Variants in CDH13 observed in about 807,000 individuals in gnomAD.
The protein encoded by CDH13 is cadherin-13.
A neutral mutation model predicts 63.8 loss-of-function variants in CDH13; 24 were observed. That is an observed-to-expected ratio of 0.38 (90% CI 0.27 to 0.53). CDH13 has a LOEUF of 0.53. CDH13 is among the 20% of genes least tolerant of loss of function. The pLI is 0.85. For missense variants in CDH13, 1,049 were observed against 903.1 expected, an observed-to-expected ratio of 1.16 and a Z score of -2.07; for synonymous variants, 503 against 355.3, an observed-to-expected ratio of 1.42 and a Z score of -4.67.
intron 6 of CDH13, among the ~76,000 whole-genome samples, chr16:83,431,251 T>A (rs2072095780): frequency 6.6e-6 from 1 of 151,892 alleles, no homozygotes; most frequent in Non-Finnish European, 1.5e-5. Flanking sequence ...GAGTCTTTGC[T>A]ATTGTGAATA....
rs571772203 is a variant in CDH13, at chr16:83,458,972, C to T, written c.782-27505C>T. 1.1e-3 allele frequency among the ~76,000 whole-genome samples: 171 copies of T among 152,306 alleles called. 1 individual carries two copies. Among genetic ancestry groups the T allele is most frequent in the African/African-American group, 3.8e-3 (158 of 41,556 alleles). On this transcript the variant is annotated intron_variant, in intron 6 of 13. Transcript: ENST00000567109. ...CAGTGTCTATTTACAGATGATGAAACGACAATTTTTCATGGGGTTTTTCTT... is the reference window on the plus strand; with the variant it reads ...CAGTGTCTATTTACAGATGATGAAATGACAATTTTTCATGGGGTTTTTCTT...
intron 1 of CDH13, among the ~76,000 whole-genome samples, chr16:82,739,635 C>T (rs1047439480): frequency 2.0e-5 from 3 of 152,110 alleles, no homozygotes; most frequent in African/African-American, 7.2e-5. Flanking sequence ...GGGAATTTGC[C>T]TTTAATTATT....
chr16:83,427,616 T>G (rs914444415), intron 6 of CDH13, among the ~76,000 whole-genome samples: 1 of 152,164 alleles, frequency 6.6e-6, no homozygotes, highest in Non-Finnish European at 1.5e-5. Context: ...GAGACTCATA[T>G]AAAATACCAG....
intron 1 of CDH13, among the ~76,000 whole-genome samples, chr16:82,769,909 T>G (rs2035197917): frequency 1.3e-5 from 2 of 152,216 alleles, no homozygotes; most frequent in African/African-American, 2.4e-5. Flanking sequence ...AATGGTGAGA[T>G]TAACGAGCCC....
intron 3 of CDH13, among the ~76,000 whole-genome samples, chr16:83,086,540 C>G (rs749535529): frequency 3.9e-5 from 6 of 152,176 alleles, no homozygotes; most frequent in Non-Finnish European, 8.8e-5. Flanking sequence ...CTTTGTTAGT[C>G]CAAATTGGAT....
At chr16:83,210,975 C>G (rs562508774) in intron 4 of CDH13, among the ~76,000 whole-genome samples, 4 of 151,694 alleles carry the variant, frequency 2.6e-5, no homozygotes, top group African/African-American at 9.7e-5. Flanking sequence ...CAGTGAAACC[C>G]TGTCTCTACT....
rs565167819 is a variant in CDH13, at chr16:83,696,098, C to A, written c.1538+17637C>A. ...TAGAGATGGGGTTTCGCCATGTTGC[C>A]CAGGTGGTTCTCAAACTCCTGGGCT... On this transcript the variant is annotated intron_variant, in intron 10 of 13. Coordinates refer to ENST00000567109, the MANE Select transcript of CDH13 (RefSeq NM_001257.5). 5.9e-4 allele frequency among the ~76,000 whole-genome samples: 89 copies of A among 151,960 alleles called. No homozygotes were observed. In the South Asian group the frequency reaches 6.5e-3, roughly 11 times the overall value.
At chr16:83,675,191 C>T (rs954602972) in intron 9 of CDH13, among the ~76,000 whole-genome samples, 1 of 152,192 alleles carries the variant, frequency 6.6e-6, no homozygotes, top group African/African-American at 2.4e-5. Context: ...AGATTGTGTG[C>T]TTTGTGAGAT....
chr16:82,989,493 G>C (rs942584567), intron 2 of CDH13, among the ~76,000 whole-genome samples: 14 of 152,168 alleles, frequency 9.2e-5, no homozygotes, highest in African/African-American at 3.4e-4. Flanking sequence ...GCAGTGGCAA[G>C]GGTGACCAGC....
Position 83,522,282 on chromosome 16 carries a change from G to T in CDH13, c.960+35627G>T, listed in dbSNP as rs1188719465. Among the ~76,000 whole-genome samples, 4 of 152,300 alleles carry T rather than the reference G, an allele frequency of 2.6e-5. No homozygotes were observed. The East Asian group carries it at 7.7e-4, about 29-fold the overall frequency. ...TTATAATGGATCACGTCAAAATGTA[G>T]CCTGCCATTGTTTTAAAGTCATGTA... On this transcript the variant is annotated intron_variant, in intron 7 of 13. Transcript: ENST00000567109.
intron 2 of CDH13, 66 bp from the exon 3 acceptor site, chr16:83,031,944 G>C (rs1230863215): frequency 3.2e-6 from 4 of 1,252,748 alleles, no homozygotes; most frequent in African/African-American, 3.0e-5. Flanking sequence ...TAATAGGTCA[G>C]AGATATCTCA....
intron 1 of CDH13, among the ~76,000 whole-genome samples, chr16:82,842,813 A>C (rs572416911): frequency 1.3e-5 from 2 of 152,274 alleles, no homozygotes; most frequent in South Asian, 4.2e-4. Context: ...AGTCTCATCT[A>C]GGGTGATGGG....
At chr16:83,050,552 C>T (rs1456923754) in intron 3 of CDH13, among the ~76,000 whole-genome samples, 1 of 152,154 alleles carries the variant, frequency 6.6e-6, no homozygotes, top group South Asian at 2.1e-4. Context: ...TTGGAAGTGC[C>T]TGTCCATTTC....
chr16:83,290,892 A>AT (rs1431676042), intron 5 of CDH13, among the ~76,000 whole-genome samples: 1 of 151,730 alleles, frequency 6.6e-6, no homozygotes, highest in Non-Finnish European at 1.5e-5. Flanking sequence ...TTTTTTTCCC[A>AT]TCTCTACGCA....
intron 6 of CDH13, among the ~76,000 whole-genome samples, chr16:83,432,484 T>C (rs1176027955): frequency 1.3e-5 from 2 of 152,182 alleles, no homozygotes. Context: ...CTTGAGATGT[T>C]CTTCTGGGGC....
chr16:82,749,980 AT>A (rs1484879460), intron 1 of CDH13, among the ~76,000 whole-genome samples: 9 of 152,146 alleles, frequency 5.9e-5, no homozygotes, highest in Non-Finnish European at 1.2e-4. Flanking sequence ...TTTAGGCATT[AT>A]GGGGAGGGTA....
intron 5 of CDH13, among the ~76,000 whole-genome samples, chr16:83,338,897 A>C (rs573327800): frequency 6.6e-6 from 1 of 152,346 alleles, no homozygotes; most frequent in East Asian, 1.9e-4. Context: ...GTCAAAGCAA[A>C]GGTATTTGCT....
chr16:83,686,166 G>C (rs955456904), intron 10 of CDH13, among the ~76,000 whole-genome samples: 1 of 152,184 alleles, frequency 6.6e-6, no homozygotes, highest in South Asian at 2.1e-4. Context: ...AGCTTCCTCC[G>C]TACCACTGCG....
At chr16:82,745,710 C>T (rs1056024757) in intron 1 of CDH13, among the ~76,000 whole-genome samples, 1 of 152,094 alleles carries the variant, frequency 6.6e-6, no homozygotes, top group Non-Finnish European at 1.5e-5. Flanking sequence ...ATGTTATTGT[C>T]TCTTTTCATA....
Sources: allele counts gnomAD v4.1 joint callset (sites outside exome capture counted in the v4.1 genomes callset), GRCh38; gene constraint gnomAD v4.1.1; transcripts MANE v1.5; gene names NCBI Gene and HGNC (gene_info 2026-07-23, HGNC 2026-07-21).